CLDN14: variants seen among roughly 807,000 people sequenced by gnomAD.
CLDN14 encodes the protein claudin 14, also known as claudin-14.
CLDN14 carries 2 observed loss-of-function variants against 2.1 expected under a neutral mutation model. The observed-to-expected ratio is 0.96, with a 90% confidence interval of 0.39 to 3.01. The LOEUF (loss-of-function observed/expected upper bound fraction) is 3.01. Ranked by LOEUF, CLDN14 falls within the 30% of genes most tolerant of loss-of-function variation. CLDN14 has a pLI of 0.09. For synonymous variants in CLDN14, 136 were observed against 154.4 expected, an observed-to-expected ratio of 0.88 and a Z score of 0.88; for missense variants, 298 against 328.0, an observed-to-expected ratio of 0.91 and a Z score of 0.71.
chr21:36,506,206 T>C (rs185561730), intron 2 of CLDN14, among the ~76,000 whole-genome samples: 3 of 152,366 alleles, frequency 2.0e-5, no homozygotes, highest in Admixed American at 2.0e-4. Flanking sequence ...TAAATGCTTC[T>C]GCAGTTACTG....
chr21:36,543,381 A>T (rs2087505552), intron 1 of CLDN14, among the ~76,000 whole-genome samples: 1 of 152,254 alleles, frequency 6.6e-6, no homozygotes, highest in African/African-American at 2.4e-5. Flanking sequence ...ATTCAAAGAA[A>T]TAACATAGTT....
rs1420029877 is a variant in CLDN14 at position 36,499,426 on chromosome 21, G to T, written c.-82+10937C>A. Among the ~76,000 whole-genome samples the T allele has an allele frequency of 1.3e-5, 2 of 152,116 alleles. No individual in the cohort carries two copies. Among genetic ancestry groups the T allele is most frequent in the Non-Finnish European group, 2.9e-5 (2 of 68,028 alleles). ...CACAGCCTTTTTGTTTTATGGGCTG[G>T]GTTCCTACAGAGAGTTATGAATGGA... On this transcript the variant is annotated intron_variant, in intron 2 of 2. Transcript: ENST00000342108. The surrounding 1 kb of genome is among the most constrained non-coding windows in gnomAD (Gnocchi z 4.7).
chr21:36,520,965 G>A (rs1319199717), intron 1 of CLDN14, among the ~76,000 whole-genome samples: 2 of 152,100 alleles, frequency 1.3e-5, no homozygotes, highest in African/African-American at 4.8e-5. Flanking sequence ...GTAACGTGCT[G>A]CAGCCCAAGC....
intron 1 of CLDN14, among the ~76,000 whole-genome samples, chr21:36,511,846 G>C (rs1262078756): frequency 1.3e-5 from 2 of 152,144 alleles, no homozygotes; most frequent in East Asian, 3.9e-4. Flanking sequence ...TCTGTTCTGA[G>C]GTGATAGCCT....
chr21:36,560,561 A>C (rs2087627428), intron 1 of CLDN14, among the ~76,000 whole-genome samples: 1 of 152,166 alleles, frequency 6.6e-6, no homozygotes. Flanking sequence ...AGATTTTTGC[A>C]TGTTGAACCG....
intron 1 of CLDN14, among the ~76,000 whole-genome samples, chr21:36,552,241 G>T (rs1039181507): frequency 1.3e-5 from 2 of 152,160 alleles, no homozygotes; most frequent in African/African-American, 4.8e-5. Context: ...TTTCTCAGCG[G>T]CAAAATATCC....
At chr21:36,482,018 C>T (rs1312705868), upstream of CLDN14, among the ~76,000 whole-genome samples, 2 of 152,134 alleles carry the variant, frequency 1.3e-5, no homozygotes, top group Non-Finnish European at 2.9e-5. Flanking sequence ...CAATCCTCTC[C>T]CTGAGTGGGC....
At chr21:36,493,195 AGCTGTGAGGG>A (rs1398385355) in intron 2 of CLDN14, among the ~76,000 whole-genome samples, 3 of 152,124 alleles carry the variant, frequency 2.0e-5, no homozygotes, top group Non-Finnish European at 4.4e-5. Context: ...CCTGGAGAGC[AGCTGTGAGGG>A]GCTGTGAGAG....
In CLDN14 at chr21:36,486,604, G is replaced by A. The variant is rs150760850; in HGVS notation, c.-82+23759C>T. 1.3e-3 allele frequency: 2,018 copies of A among 1,544,624 alleles called. 25 individuals are homozygous for A. In the South Asian group the frequency reaches 0.014, roughly 10 times the overall value. On this transcript the variant is annotated intron_variant, in intron 2 of 2. Transcript: ENST00000342108. ...GAGGCACTGCCACCAGATGAGAACC[G>A]CTTCCATCTTTGCCATTCAACGTGT...
intron 1 of CLDN14, among the ~76,000 whole-genome samples, chr21:36,560,240 G>A (rs2087625061): frequency 6.8e-6 from 1 of 147,048 alleles, no homozygotes; most frequent in Non-Finnish European, 1.5e-5. Context: ...TTTTTTTTGA[G>A]ACAGATTTTC....
At chr21:36,488,226 C>CTTCCTTCT (rs907016685) in intron 2 of CLDN14, among the ~76,000 whole-genome samples, 2 of 130,720 alleles carry the variant, frequency 1.5e-5, no homozygotes, top group African/African-American at 5.7e-5. Context: ...ATTCCCCTTC[C>CTTCCTTCT]TTCCTTCCTT....
intron 1 of CLDN14, among the ~76,000 whole-genome samples, chr21:36,547,617 G>T (rs1050064427): frequency 2.0e-5 from 3 of 152,128 alleles, no homozygotes; most frequent in Non-Finnish European, 2.9e-5. Flanking sequence ...AGTTAAATGC[G>T]AGGGTCCCTG....
intron 2 of CLDN14, among the ~76,000 whole-genome samples, chr21:36,494,009 G>A (rs1381746874): frequency 6.6e-6 from 1 of 152,216 alleles, no homozygotes; most frequent in East Asian, 1.9e-4. Context: ...GGATCACCAT[G>A]GTGGACTTGC....
rs540903306 is a variant in CLDN14, at chr21:36,557,269, T to C, written c.-220+19142A>G. On this transcript the variant is annotated intron_variant, in intron 1 of 2. Coordinates refer to the CLDN14 transcript ENST00000342108. The stretch of plus-strand genomic sequence containing the variant: ...ATGAACATGAGAATGATAATATCTG[T>C]TTAAGATCCTGATTGCATTATTTTG... Among the ~76,000 whole-genome samples, 5 of 152,346 alleles carry C rather than the reference T, an allele frequency of 3.3e-5. No individual in the cohort carries two copies. The East Asian group carries it at 5.8e-4, about 18-fold the overall frequency.
intron 1 of CLDN14, among the ~76,000 whole-genome samples, chr21:36,470,149 A>G (rs953649725): frequency 6.6e-6 from 1 of 152,216 alleles, no homozygotes; most frequent in Admixed American, 6.5e-5. Context: ...GTTCTGTGGG[A>G]ACACTTTATC....
intron 1 of CLDN14, among the ~76,000 whole-genome samples, chr21:36,564,424 T>G (rs1178345056): frequency 6.6e-6 from 1 of 152,216 alleles, no homozygotes; most frequent in East Asian, 1.9e-4. Flanking sequence ...ATTTGGATCC[T>G]TAAGATGACA....
intron 2 of CLDN14, among the ~76,000 whole-genome samples, chr21:36,491,829 C>T (rs182157060): frequency 3.9e-5 from 6 of 152,156 alleles, no homozygotes; most frequent in Admixed American, 6.6e-5. Context: ...GTGGACAGGC[C>T]GCCTCTCTTC....
chr21:36,515,789 CTT>C (rs1555850517), intron 1 of CLDN14, among the ~76,000 whole-genome samples: 3 of 115,312 alleles, frequency 2.6e-5, no homozygotes, highest in East Asian at 2.5e-4. Context: ...TTTATCTTCT[CTT>C]TTTTTTTTTT....
chr21:36,505,505 T>G (rs1333123132), intron 2 of CLDN14, among the ~76,000 whole-genome samples: 1 of 152,116 alleles, frequency 6.6e-6, no homozygotes, highest in Non-Finnish European at 1.5e-5. Context: ...ACAGGATGAC[T>G]GGAGAGCTAA....
Sources: gnomAD v4.1 joint callset for allele counts (sites outside exome capture counted in the v4.1 genomes callset) on GRCh38, gnomAD v4.1.1 for gene constraint, Gnocchi (gnomAD v3.1) non-coding constraint, MANE v1.5 for transcripts, NCBI Gene and HGNC (gene_info 2026-07-23, HGNC 2026-07-21) for gene names.